Variants in RIN2 observed in about 807,000 individuals in gnomAD.
RIN2 encodes the protein RAB5 interacting protein 2.
A neutral mutation model predicts 78.0 loss-of-function variants in RIN2; 36 were observed. The observed-to-expected ratio is 0.46, with a 90% CI of 0.35 to 0.61. The LOEUF is 0.61. Ranked by LOEUF, RIN2 falls within the 20% of genes least tolerant of loss-of-function variation. The pLI is 0.00. For synonymous variants in RIN2, 466 were observed against 466.8 expected, an observed-to-expected ratio of 1.00 and a Z score of 0.02; for missense variants, 1,087 against 1,159.7, an observed-to-expected ratio of 0.94 and a Z score of 0.91.
chr20:19,937,998 T>C (rs978580342), intron 4 of RIN2, among the ~76,000 whole-genome samples: 6 of 152,226 alleles, frequency 3.9e-5, no homozygotes, highest in African/African-American at 1.2e-4. Context: ...CCTCCCGTCC[T>C]GTCTCCTGTC....
intron 2 of RIN2, among the ~76,000 whole-genome samples, chr20:19,822,668 C>CACA (rs569890167): frequency 1.3e-3 from 188 of 147,974 alleles, no homozygotes; most frequent in African/African-American, 4.7e-3. Context: ...ACACACACAC[C>CACA]CACACACAAT....
intron 2 of RIN2, among the ~76,000 whole-genome samples, chr20:19,857,168 T>C (rs968431893): frequency 6.6e-6 from 1 of 152,268 alleles, no homozygotes; most frequent in East Asian, 1.9e-4. Flanking sequence ...CTGTTTTCTA[T>C]TAATAGCAAT....
intron 3 of RIN2, among the ~76,000 whole-genome samples, chr20:19,896,355 A>AT (rs1324215097): frequency 2.8e-4 from 43 of 152,086 alleles, no homozygotes; most frequent in South Asian, 6.2e-4. Flanking sequence ...CACCCAGCTA[A>AT]TTTTTTGTAT....
chr20:19,816,416 C>G (rs35512160), intron 2 of RIN2, among the ~76,000 whole-genome samples: 2 of 151,766 alleles, frequency 1.3e-5, no homozygotes, highest in Non-Finnish European at 2.9e-5. Flanking sequence ...TTTTCCTGTT[C>G]AGAGTAAAGG....
chr20:19,969,560 T>G (rs1319120314), intron 7 of RIN2, among the ~76,000 whole-genome samples: 1 of 152,118 alleles, frequency 6.6e-6, no homozygotes, highest in Non-Finnish European at 1.5e-5. Flanking sequence ...ATGTCATGGA[T>G]CTCCTTCTCA....
intron 3 of RIN2, among the ~76,000 whole-genome samples, chr20:19,911,913 C>T (rs1210083885): frequency 6.6e-6 from 1 of 152,116 alleles, no homozygotes; most frequent in East Asian, 1.9e-4. Flanking sequence ...CGTGGGTGAG[C>T]CCAGCGTACA....
At chr20:19,822,286 C>A (rs1315394062) in intron 2 of RIN2, among the ~76,000 whole-genome samples, 1 of 152,150 alleles carries the variant, frequency 6.6e-6, no homozygotes, top group Non-Finnish European at 1.5e-5. Context: ...AGAGTGGCAG[C>A]ACTCTTTCTT....
intron 1 of RIN2, among the ~76,000 whole-genome samples, chr20:19,771,024 T>C (rs2034099999): frequency 6.6e-6 from 1 of 152,086 alleles, no homozygotes; most frequent in Non-Finnish European, 1.5e-5. Flanking sequence ...ACACAAATAT[T>C]TATTGGATTA....
intron 7 of RIN2, among the ~76,000 whole-genome samples, chr20:19,965,682 G>T (rs899766704): frequency 3.3e-5 from 5 of 152,196 alleles, no homozygotes; most frequent in Non-Finnish European, 5.9e-5. Context: ...CGTGATCTTG[G>T]CTCACTACAA....
intron 1 of RIN2, among the ~76,000 whole-genome samples, chr20:19,794,348 G>C (rs1207302558): frequency 6.6e-6 from 1 of 152,096 alleles, no homozygotes; most frequent in East Asian, 1.9e-4. Context: ...CTGAGGTCAA[G>C]AGTTCGAGCC....
chr20:19,927,762 C>T (rs561629797), intron 3 of RIN2, among the ~76,000 whole-genome samples: 1 of 151,594 alleles, frequency 6.6e-6, no homozygotes, highest in African/African-American at 2.4e-5. Flanking sequence ...GTTGCTTAGG[C>T]TGGTCTCAAA....
chr20:19,959,218 C>T (rs2041657652), intron 5 of RIN2, among the ~76,000 whole-genome samples: 1 of 152,168 alleles, frequency 6.6e-6, no homozygotes, highest in Non-Finnish European at 1.5e-5. Context: ...CGTCTGCAGG[C>T]CAGACTTTGC....
At chr20:19,885,761 CA>C (rs892261597) in intron 2 of RIN2, among the ~76,000 whole-genome samples, 5 of 150,670 alleles carry the variant, frequency 3.3e-5, no homozygotes, top group African/African-American at 1.2e-4. Context: ...GCACTCAGAA[CA>C]AAAAAAAGCA....
intron 2 of RIN2, among the ~76,000 whole-genome samples, chr20:19,873,673 A>G (rs1315507348): frequency 6.6e-6 from 1 of 152,158 alleles, no homozygotes; most frequent in Non-Finnish European, 1.5e-5. Context: ...AAATTGCTTT[A>G]CAAGTGGATG....
Position 19,847,708 on chromosome 20 carries a change from A to C in RIN2, c.-36-41858A>C, listed in dbSNP as rs989392999. Among the ~76,000 whole-genome samples the C allele has an allele frequency of 8.5e-5, 13 of 152,234 alleles. No individual in the cohort carries two copies. The East Asian group carries it at 1.7e-3, about 20-fold the overall frequency. On this transcript the variant is annotated intron_variant, in intron 2 of 12. Transcript: ENST00000255006. Reference sequence around the variant, plus strand: ...ATTTTTGAAATTGGTTACATATTTAAGTGGCATTTTAGATATATTGGGAAA... The same window carrying C: ...ATTTTTGAAATTGGTTACATATTTACGTGGCATTTTAGATATATTGGGAAA...
At chr20:19,944,342 A>T (rs926035336) in intron 4 of RIN2, among the ~76,000 whole-genome samples, 1 of 151,898 alleles carries the variant, frequency 6.6e-6, no homozygotes, top group African/African-American at 2.4e-5. Flanking sequence ...TTCATCTCCC[A>T]CCTATCCAGG....
intron 1 of RIN2, among the ~76,000 whole-genome samples, chr20:19,767,043 A>G (rs1283473943): frequency 6.6e-6 from 1 of 152,196 alleles, no homozygotes; most frequent in African/African-American, 2.4e-5. Flanking sequence ...TGTAAAATCA[A>G]CTCAGAAAAG....
intron 2 of RIN2, among the ~76,000 whole-genome samples, chr20:19,857,095 A>T (rs908762643): frequency 6.6e-6 from 1 of 152,180 alleles, no homozygotes; most frequent in Non-Finnish European, 1.5e-5. Context: ...CATTTTCATT[A>T]TCCCGGATGG....
intron 4 of RIN2, among the ~76,000 whole-genome samples, chr20:19,951,344 C>T (rs554084039): frequency 1.3e-5 from 2 of 152,216 alleles, no homozygotes; most frequent in Non-Finnish European, 1.5e-5. Context: ...GTTTTGCTGT[C>T]ACTGAAATTT....
Sources: gnomAD v4.1 joint callset for allele counts (sites outside exome capture counted in the v4.1 genomes callset) on GRCh38, gnomAD v4.1.1 for gene constraint, MANE v1.5 for transcripts, NCBI Gene and HGNC (gene_info 2026-07-23, HGNC 2026-07-21) for gene names.